Variants in PCSK2 observed in about 807,000 individuals in gnomAD.
PCSK2 encodes the protein proprotein convertase subtilisin/kexin type 2, also known as neuroendocrine convertase 2.
A neutral mutation model predicts 69.7 loss-of-function variants in PCSK2; 14 were observed. The observed-to-expected ratio is 0.20, with a 90% CI of 0.13 to 0.31. PCSK2 has a LOEUF of 0.31. Ranked by LOEUF, PCSK2 falls within the 10% of genes least tolerant of loss-of-function variation. PCSK2 has a pLI of 1.00. For missense variants in PCSK2, 544 were observed against 842.5 expected (o/e 0.65, Z 4.39); for synonymous variants, 307 against 320.7 (o/e 0.96, Z 0.46).
At chr20:17,391,905 A>AGAGG (rs1427081017) in intron 5 of PCSK2, among the ~76,000 whole-genome samples, 1 of 17,012 alleles carries the variant, frequency 5.9e-5, no homozygotes, top group African/African-American at 2.4e-4. Context: ...AGAAAGAGAG[A>AGAGG]GAGGAAGGAA....
At chr20:17,412,621 A>G (rs1272226062) in intron 6 of PCSK2, among the ~76,000 whole-genome samples, 2 of 152,226 alleles carry the variant, frequency 1.3e-5, no homozygotes, top group Non-Finnish European at 2.9e-5. Context: ...GATATTATCC[A>G]GGAGAACTTC....
chr20:17,408,073 T>C (rs1460118867), intron 5 of PCSK2, among the ~76,000 whole-genome samples: 1 of 152,162 alleles, frequency 6.6e-6, no homozygotes. Context: ...TTGTGTGTTA[T>C]CTTATGATAA....
chr20:17,287,162 A>C (rs1988540165), intron 2 of PCSK2, among the ~76,000 whole-genome samples: 1 of 152,166 alleles, frequency 6.6e-6, no homozygotes, highest in Non-Finnish European at 1.5e-5. Flanking sequence ...TCTAAAAAAA[A>C]AAAATACCTT....
In PCSK2 at chr20:17,264,381, T is replaced by A. The variant is rs145681957; in HGVS notation, c.282+4037T>A. ...GTTTCAGTTTTACAAGTCAGAAACT[T>A]CTATCAGTCCAATAAAAACTTTCCT... On this transcript the variant is annotated intron_variant, in intron 2 of 11. Coordinates refer to ENST00000262545, the MANE Select transcript of PCSK2 (RefSeq NM_002594.5). Among the ~76,000 whole-genome samples the A allele has an allele frequency of 8.3e-3, 1,266 of 152,312 alleles. 16 individuals are homozygous for A. Among genetic ancestry groups the A allele is most frequent in the African/African-American group, 0.028 (1,154 of 41,574 alleles).
chr20:17,432,260 G>A (rs1219737252), intron 7 of PCSK2, among the ~76,000 whole-genome samples: 1 of 152,094 alleles, frequency 6.6e-6, no homozygotes, highest in African/African-American at 2.4e-5. Flanking sequence ...CATTCTTGGT[G>A]TGTCCCAAAG....
chr20:17,388,696 C>T (rs2031298359), intron 5 of PCSK2, among the ~76,000 whole-genome samples: 1 of 151,984 alleles, frequency 6.6e-6, no homozygotes, highest in Non-Finnish European at 1.5e-5. Context: ...AGCTTAAAGC[C>T]TCGCTCCACC....
chr20:17,237,738 T>C (rs1279110608), intron 1 of PCSK2, among the ~76,000 whole-genome samples: 2 of 151,910 alleles, frequency 1.3e-5, no homozygotes, highest in Admixed American at 6.6e-5. Context: ...AAAATACTGG[T>C]AGAGGAGTGG....
At chr20:17,470,759 C>T (rs1213492758) in intron 11 of PCSK2, among the ~76,000 whole-genome samples, 2 of 152,174 alleles carry the variant, frequency 1.3e-5, no homozygotes, top group African/African-American at 4.8e-5. Flanking sequence ...CTTATCCATT[C>T]CACAAGGCCC....
intron 2 of PCSK2, among the ~76,000 whole-genome samples, chr20:17,298,847 A>G (rs1423169384): frequency 1.3e-5 from 2 of 152,204 alleles, no homozygotes; most frequent in Non-Finnish European, 1.5e-5. Flanking sequence ...CTGAGAAGGA[A>G]TATTTTTCTT....
intron 2 of PCSK2, among the ~76,000 whole-genome samples, chr20:17,342,630 T>C (rs1452857582): frequency 6.6e-6 from 1 of 150,422 alleles, no homozygotes; most frequent in Non-Finnish European, 1.5e-5. Context: ...TAAAGCTCTT[T>C]AATAAACTTT....
intron 10 of PCSK2, 21 bp downstream of exon 10, chr20:17,456,469 C>G (rs2032924768): frequency 7.5e-7 from 1 of 1,338,704 alleles, no homozygotes; most frequent in Non-Finnish European, 1.1e-6. Context: ...AGCTCTGGGT[C>G]CAGGGCCAGC....
At chr20:17,295,949 C>T (rs1364464502) in intron 2 of PCSK2, among the ~76,000 whole-genome samples, 1 of 152,158 alleles carries the variant, frequency 6.6e-6, no homozygotes, top group Non-Finnish European at 1.5e-5. Context: ...GCAGGGCATC[C>T]ACAAATGTGC....
chr20:17,271,334 G>A (rs2123025104), intron 2 of PCSK2, among the ~76,000 whole-genome samples: 1 of 152,004 alleles, frequency 6.6e-6, no homozygotes, highest in South Asian at 2.1e-4. Context: ...TTTATAAATT[G>A]GGATTTGGTT....
At chr20:17,441,017 C>T (rs558020396) in intron 8 of PCSK2, among the ~76,000 whole-genome samples, 3 of 152,304 alleles carry the variant, frequency 2.0e-5, no homozygotes, top group Admixed American at 6.5e-5. Context: ...GAGGGCTCTG[C>T]GGTCACGGGG....
chr20:17,376,288 G>A (rs918413721), intron 5 of PCSK2, among the ~76,000 whole-genome samples: 4 of 152,212 alleles, frequency 2.6e-5, no homozygotes, highest in Non-Finnish European at 5.9e-5. Flanking sequence ...CTGCCTAGCT[G>A]AGCCCAGCCC....
intron 1 of PCSK2, among the ~76,000 whole-genome samples, chr20:17,234,668 T>G (rs947164609): frequency 6.6e-6 from 1 of 152,116 alleles, no homozygotes; most frequent in Admixed American, 6.5e-5. Flanking sequence ...ATACACCTTT[T>G]TTTCTCAATT....
chr20:17,384,871 T>G (rs2031193412), intron 5 of PCSK2, among the ~76,000 whole-genome samples: 1 of 152,036 alleles, frequency 6.6e-6, no homozygotes, highest in African/African-American at 2.4e-5. Flanking sequence ...GAAGCTACGG[T>G]GAGCCACAAT....
At chr20:17,322,994 A>G (rs1600490766) in intron 2 of PCSK2, among the ~76,000 whole-genome samples, 1 of 152,156 alleles carries the variant, frequency 6.6e-6, no homozygotes, top group Non-Finnish European at 1.5e-5. Flanking sequence ...CTCCCAGAGT[A>G]GCTGGGATTA....
intron 11 of PCSK2, among the ~76,000 whole-genome samples, chr20:17,475,203 G>A (rs2033271261): frequency 1.3e-5 from 2 of 151,844 alleles, no homozygotes; most frequent in South Asian, 4.2e-4. Flanking sequence ...CTTGGGGGCA[G>A]GAGCATTGGT....
Sources: gnomAD v4.1 joint callset for allele counts (sites outside exome capture counted in the v4.1 genomes callset) on GRCh38, gnomAD v4.1.1 for gene constraint, MANE v1.5 for transcripts, NCBI Gene and HGNC (gene_info 2026-07-23, HGNC 2026-07-21) for gene names.